Variants in FTSJ3 observed in about 807,000 individuals in gnomAD.
The protein encoded by FTSJ3 is pre-rRNA 2'-O-ribose RNA methyltransferase FTSJ3.
Under a neutral mutation model 111.5 loss-of-function variants are expected in FTSJ3, and 46 were observed. That is an observed-to-expected ratio of 0.41 (90% CI 0.33 to 0.53). The LOEUF is 0.53. Among genes scored for constraint, FTSJ3 ranks in the 20% least tolerant of loss-of-function variants. The pLI is 0.19. For missense variants in FTSJ3, 1,075 were observed against 1,063.8 expected (o/e 1.01, Z -0.15); for synonymous variants, 408 against 383.0 (o/e 1.07, Z -0.76).
At position 63,825,068 on chromosome 17, in the gene FTSJ3, C is replaced by T. The variant is rs750365344; in HGVS notation, c.691G>A (p.Val231Ile). 2 of 1,614,116 alleles carry T rather than the reference C, an allele frequency of 1.2e-6. No individual in the cohort carries two copies. The highest frequency in any genetic ancestry group is 1.1e-5 in the South Asian group (1 of 91,080). ...EVQAKTVTEL[V>I]TKKKPKAEGY... ...CACACCTTTGGCTTCTTCTTAGTAACCAATTCAGTAACGGTCTTAGCCTGA... is the reference window on the plus strand; with the variant it reads ...CACACCTTTGGCTTCTTCTTAGTAATCAATTCAGTAACGGTCTTAGCCTGA... The change falls in exon 8 of 21, where the codon GTT becomes ATT. Residue 231 changes from valine (V) to isoleucine (I), a missense_variant. Physicochemically the swap from Val to Ile is conservative, Grantham distance 29. Transcript: ENST00000427159.
Position 63,820,905 on chromosome 17 carries a change from G to A in FTSJ3, c.2006C>T (p.Ala669Val). 5.6e-6 allele frequency: 9 copies of A among 1,614,172 alleles called. No homozygotes were observed. The highest frequency in any genetic ancestry group is 7.6e-6 in the Non-Finnish European group (9 of 1,180,014). The change falls in exon 18 of 21, where the codon GCT becomes GTT. Residue 669 changes from alanine (A) to valine (V), a missense_variant. Physicochemically the swap from Ala to Val is moderately conservative, Grantham distance 64. Coordinates refer to ENST00000427159, the MANE Select transcript of FTSJ3 (RefSeq NM_017647.4). ...KHRILDPEGL[A>V]LGAVIASSKK... ...GGAAGAGGCAATAACAGCACCTAGA[G>A]CAAGGCCTTCGGGGTCCAGTATCCG... is the stretch of plus-strand genomic sequence containing the variant.
chr17:63,824,985 C>A (rs2040084632), intron 8 of FTSJ3, 56 bp from the exon 9 acceptor site: 1 of 1,579,728 alleles, frequency 6.3e-7, no homozygotes. Context: ...CCTGTAGGAC[C>A]CACCAGGCCC....
intron 13 of FTSJ3, among the ~76,000 whole-genome samples, chr17:63,822,974 A>G (rs1420867591): frequency 6.6e-6 from 1 of 152,202 alleles, no homozygotes; most frequent in African/African-American, 2.4e-5. Flanking sequence ...TCCAGGTGGT[A>G]GAGCTGGGAA....
Position 63,821,741 on chromosome 17 carries a change from G to A in FTSJ3, c.1578C>T (p.Ala526=), listed in dbSNP as rs2040053943. ...TCCTTACCTTTGAGAACCACAGGTT[G>A]GCTTGTTCTTCCTGCAGTACTGCCT... ...EEKAVLQEEQ[A]NLWFSKGSFA... The change falls in exon 15 of 21, where the codon GCC becomes GCT. Residue 526 remains alanine, a synonymous_variant. Coordinates refer to ENST00000427159, the MANE Select transcript of FTSJ3 (RefSeq NM_017647.4). 6.2e-7 allele frequency: 1 copy of A among 1,614,044 alleles called. No homozygotes were observed.
chr17:63,825,906 G>A lies in FTSJ3; in HGVS notation c.300+150C>T, dbSNP rs2040095149. On this transcript the variant is annotated intron_variant, in intron 5 of 20. Coordinates refer to ENST00000427159, the MANE Select transcript of FTSJ3 (RefSeq NM_017647.4). ...CCTGACTCTAAATAAAGCCTGGAGT[G>A]GACACTACGAATGCCATAGGTCTTG... The A allele has an allele frequency of 7.2e-6, 5 of 690,188 alleles. No homozygotes were observed. In the South Asian group the frequency reaches 9.2e-5, roughly 13 times the overall value. The allele number at this position is 690,188 out of a possible 1,614,324, so 42.8% of individuals were successfully genotyped here.
chr17:63,823,033 T>C (rs1168966254), intron 13 of FTSJ3, among the ~76,000 whole-genome samples: 1 of 152,166 alleles, frequency 6.6e-6, no homozygotes, highest in East Asian at 1.9e-4. Flanking sequence ...TCTACTGCCC[T>C]CCTGTACAAC....
In FTSJ3 at chr17:63,827,479, T is replaced by C; in HGVS notation, c.-454A>G. On this transcript the variant is annotated 5_prime_UTR_variant, in exon 1 of 21. Transcript: ENST00000427159. Reference sequence around the variant, plus strand: ...CGGCTCGGATGCCGGCGGTCTCTGCTGAAGAGAGAAGATGGCGCTTGACGG... The same window carrying C: ...CGGCTCGGATGCCGGCGGTCTCTGCCGAAGAGAGAAGATGGCGCTTGACGG... 10 of 1,551,710 alleles carry C rather than the reference T, an allele frequency of 6.4e-6. No homozygotes were observed. The highest frequency in any genetic ancestry group is 3.6e-5 in the South Asian group (3 of 84,066).
At position 63,824,934 on chromosome 17, in the gene FTSJ3, G is replaced by C; in HGVS notation, c.712-5C>G. The C allele has an allele frequency of 1.3e-6, 2 of 1,578,018 alleles. No individual in the cohort carries two copies. On this transcript the variant is annotated splice_region_variant and splice_polypyrimidine_tract_variant and intron_variant, in intron 8 of 20. Transcript: ENST00000427159. ...ACCCTCAGCATAGCCTTCAGCCTTA[G>C]GAAGGAAAAGAGAGAAGCTTGGTCA...
chr17:63,821,693 C>G, intron 15 of FTSJ3, 30 bp downstream of exon 15: 2 of 1,614,182 alleles, frequency 1.2e-6, no homozygotes, highest in Non-Finnish European at 8.5e-7. Context: ...GACTCATCTC[C>G]CCGCAGTCTT....
In FTSJ3 at chr17:63,827,558, T is replaced by C; in HGVS notation, c.-533A>G. 1 of 1,546,676 alleles carries C rather than the reference T, an allele frequency of 6.5e-7. No individual in the cohort carries two copies. Among genetic ancestry groups the C allele is most frequent in the South Asian group, 1.2e-5 (1 of 83,800 alleles). ...CGGCCCGGCAGGTTACGGGGCTGGG[T>C]GCGGAGCGAGCGTGATCTGAGTGGA... On this transcript the variant is annotated 5_prime_UTR_variant, in exon 1 of 21. Transcript: ENST00000427159.
Position 63,825,373 on chromosome 17 carries a change from A to G in FTSJ3, c.464T>C (p.Ile155Thr), listed in dbSNP as rs1466292424. ...GTCACGAGAACGGAAAACCTTTGTG[A>G]TGAAGCTGCCACCACGGGCCAAAAA... is the stretch of plus-strand genomic sequence containing the variant. ...CDFLARGGSFITKVFRSRDYQ... is the reference protein window; with the variant it reads ...CDFLARGGSFTTKVFRSRDYQ... Residue 155 changes from isoleucine (I) to threonine (T), a missense_variant, in exon 7 of 21, where the codon ATC becomes ACC. Around this residue, in one of 2 missense-constraint regions of FTSJ3, gnomAD observed 208 missense variants for 266.9 expected, o/e 0.78. Coordinates refer to ENST00000427159, the MANE Select transcript of FTSJ3 (RefSeq NM_017647.4). 6.2e-7 allele frequency: 1 copy of G among 1,614,230 alleles called. No homozygotes were observed. Among genetic ancestry groups the G allele is most frequent in the Admixed American group, 1.7e-5 (1 of 60,032 alleles).
In FTSJ3 at chr17:63,825,310, C is replaced by G. The variant is rs202091645; in HGVS notation, c.527G>C (p.Arg176Pro). The change falls in exon 7 of 21, where the codon CGC becomes CCC. Residue 176 changes from arginine (R) to proline (P), a missense_variant. Coordinates refer to ENST00000427159, the MANE Select transcript of FTSJ3 (RefSeq NM_017647.4). ...TTGGGGCTTGGTGGCCTGGACACGGCGGAACAGCTGCTGAAAGATCCATAG... is the reference window on the plus strand; with the variant it reads ...TTGGGGCTTGGTGGCCTGGACACGGGGGAACAGCTGCTGAAAGATCCATAG... Reference protein sequence around the residue: ...PLLWIFQQLFRRVQATKPQAS... With the variant: ...PLLWIFQQLFPRVQATKPQAS... 5 of 1,614,116 alleles carry G rather than the reference C, an allele frequency of 3.1e-6. No individual in the cohort carries two copies. Among genetic ancestry groups the G allele is most frequent in the Middle Eastern group, 1.6e-4 (1 of 6,062 alleles).
At chr17:63,820,207 A>ACC in intron 19 of FTSJ3, 34 bp from the exon 20 acceptor site, 5 of 310,960 alleles carry the variant, frequency 1.6e-5, no homozygotes, top group South Asian at 2.9e-5. Flanking sequence ...CCTCTTCCCC[A>ACC]TCCCCCCACC....
chr17:63,821,042 T>C lies in FTSJ3; in HGVS notation c.1960A>G (p.Ile654Val), dbSNP rs374459237. 4.2e-5 allele frequency: 67 copies of C among 1,614,024 alleles called. No individual in the cohort carries two copies. The highest frequency in any genetic ancestry group is 5.0e-5 in the Non-Finnish European group (59 of 1,179,998). The change falls in exon 17 of 21, where the codon ATT (isoleucine) becomes GTT (valine). Residue 654 changes from isoleucine to valine, a missense_variant. This residue lies in a region of FTSJ3 where 867 missense variants were observed against 796.9 expected (regional missense o/e 1.09). Transcript: ENST00000427159. ...SDDDGFEIVP[I>V]EDPAKHRILD... The stretch of plus-strand genomic sequence containing the variant: ...ACAGAGCTCTCACCTGGGTCCTCAA[T>C]AGGCACTATCTCAAACCCGTCATCA...
intron 5 of FTSJ3, 125 bp downstream of exon 5, chr17:63,825,931 G>A (rs1567754524): frequency 9.0e-6 from 7 of 778,816 alleles, no homozygotes; most frequent in Non-Finnish European, 1.3e-5. Context: ...CATAGGTCTT[G>A]TCGTACAGAT....
In FTSJ3 at chr17:63,819,564, A is replaced by C. The variant is rs1216699713; in HGVS notation, c.*238T>G. The stretch of plus-strand genomic sequence containing the variant: ...AACTTCCCTTTAACGGTTTAAAAAA[A>C]GGGTCATGAGTGTCAACACAGTTCA... On this transcript the variant is annotated 3_prime_UTR_variant, in exon 21 of 21. Transcript: ENST00000427159. 2.1e-6 allele frequency: 1 copy of C among 475,164 alleles called. No individual in the cohort carries two copies. Among genetic ancestry groups the C allele is most frequent in the Admixed American group, 3.6e-5 (1 of 27,458 alleles). The allele number at this position is 475,164 out of a possible 1,614,324, so 29.4% of individuals were successfully genotyped here. A position where few individuals can be genotyped will look rare whatever the true frequency, so the allele number is the denominator to read the frequency against.
rs183994225 is a variant in FTSJ3 at position 63,821,821 on chromosome 17, C to T, written c.1498G>A (p.Asp500Asn). The T allele has an allele frequency of 2.2e-4, 362 of 1,614,120 alleles. 3 individuals are homozygous for T. The highest frequency in any genetic ancestry group is 1.9e-3 in the South Asian group (175 of 91,088). The change falls in exon 15 of 21, where the codon GAT becomes AAT. Residue 500 changes from aspartate (D) to asparagine (N), a missense_variant. By Grantham distance (23) the Asp-to-Asn change is conservative (BLOSUM62 1). Transcript: ENST00000427159. ...TCCTCCTCCTCCTCCTCTTTATCATCTTGCACTTCAGTAAGTCGCATACTG... is the reference window on the plus strand; with the variant it reads ...TCCTCCTCCTCCTCCTCTTTATCATTTTGCACTTCAGTAAGTCGCATACTG... Reference protein sequence around the residue: ...QKRMRLTEVQDDKEEEEEENP... With the variant: ...QKRMRLTEVQNDKEEEEEENP...
chr17:63,825,607 T>A lies in FTSJ3; in HGVS notation c.329A>T (p.Lys110Met), dbSNP rs1190927476. The A allele has an allele frequency of 6.2e-7, 1 of 1,613,834 alleles. No homozygotes were observed. Among genetic ancestry groups the A allele is most frequent in the Non-Finnish European group, 8.5e-7 (1 of 1,179,966 alleles). ...QALRKELKTW[K>M]VDVVLNDGAP... ...CCCATCATTGAGCACAACATCAACCTTCCAGGTCTTCAGCTCCTTCCTCAG... is the reference window on the plus strand; with the variant it reads ...CCCATCATTGAGCACAACATCAACCATCCAGGTCTTCAGCTCCTTCCTCAG... Residue 110 changes from lysine (K) to methionine (M), a missense_variant, in exon 6 of 21, where the codon AAG becomes ATG. By Grantham distance (95) the Lys-to-Met change is moderately conservative (BLOSUM62 -1). Coordinates refer to ENST00000427159, the MANE Select transcript of FTSJ3 (RefSeq NM_017647.4).
At position 63,821,059 on chromosome 17, in the gene FTSJ3, C is replaced by A. The variant is rs149209816; in HGVS notation, c.1943G>T (p.Gly648Val). ...RSRGPKSDDDGFEIVPIEDPA... is the reference protein window; with the variant it reads ...RSRGPKSDDDVFEIVPIEDPA... ...GTCCTCAATAGGCACTATCTCAAAC[C>A]CGTCATCATCTGACTTAGGCCCACG... The change falls in exon 17 of 21, where the codon GGG becomes GTG. Residue 648 changes from glycine to valine, a missense_variant. Coordinates refer to ENST00000427159, the MANE Select transcript of FTSJ3 (RefSeq NM_017647.4). 2 of 1,614,066 alleles carry A rather than the reference C, an allele frequency of 1.2e-6. No individual in the cohort carries two copies. Among genetic ancestry groups the A allele is most frequent in the African/African-American group, 1.3e-5 (1 of 74,914 alleles).
Sources: allele counts gnomAD v4.1 joint callset (sites outside exome capture counted in the v4.1 genomes callset), GRCh38; gene constraint gnomAD v4.1.1; regional missense constraint gnomAD v4.1.1; transcripts MANE v1.5; gene names NCBI Gene and HGNC (gene_info 2026-07-23, HGNC 2026-07-21).